The following ITGA6 variants were observed in gnomAD, a reference collection of about 807,000 sequenced individuals.
ITGA6 encodes the protein integrin alpha-6.
A neutral mutation model predicts 133.6 loss-of-function variants in ITGA6; 63 were observed. That is an observed-to-expected ratio of 0.47 (90% CI 0.38 to 0.58). The LOEUF is 0.58. ITGA6 is among the 20% of genes least tolerant of loss of function. ITGA6 has a pLI of 0.00. For missense variants in ITGA6, 1,068 were observed against 1,309.4 expected (o/e 0.82, Z 2.85); for synonymous variants, 434 against 482.0 (o/e 0.90, Z 1.30).
At chr2:172,429,626 G>C (rs1354913799) in intron 1 of ITGA6, among the ~76,000 whole-genome samples, 2 of 152,216 alleles carry the variant, frequency 1.3e-5, no homozygotes, top group Non-Finnish European at 2.9e-5. Context: ...CAGCATGCTT[G>C]CTAAAACTTG....
intron 1 of ITGA6, among the ~76,000 whole-genome samples, chr2:172,433,939 G>T (rs1433390886): frequency 6.6e-6 from 1 of 152,100 alleles, no homozygotes; most frequent in Non-Finnish European, 1.5e-5. Context: ...CATGGAGGGT[G>T]GGTGGTGCAG....
At chr2:172,483,597 C>A (rs1435236600) in intron 11 of ITGA6, among the ~76,000 whole-genome samples, 1 of 152,020 alleles carries the variant, frequency 6.6e-6, no homozygotes, top group Non-Finnish European at 1.5e-5. Flanking sequence ...ATCTAATGAA[C>A]CAACAAAGAA....
At chr2:172,470,360 T>C (rs1685866541) in intron 4 of ITGA6, among the ~76,000 whole-genome samples, 4 of 152,230 alleles carry the variant, frequency 2.6e-5, no homozygotes, top group Non-Finnish European at 4.4e-5. Flanking sequence ...ATAAATGCTT[T>C]ATATAGTAAA....
Position 172,506,312 on chromosome 2 carries a change from G to A in ITGA6, c.*2244G>A, listed in dbSNP as rs143399742. 6.6e-6 allele frequency: 1 copy of A among 152,634 alleles called. No homozygotes were observed. The highest frequency in any genetic ancestry group is 2.4e-5 in the African/African-American group (1 of 41,504). The allele number at this position is 152,634 out of a possible 1,614,324, so 9.5% of individuals were successfully genotyped here. On this transcript the variant is annotated 3_prime_UTR_variant, in exon 26 of 26. Transcript: ENST00000684293. ...AGTGTTTTTATTTTTGGTGTCTCAT[G>A]TAATCTCAGATCAGCCAAAGATACT...
At chr2:172,456,481 G>A (rs1052840380) in intron 1 of ITGA6, among the ~76,000 whole-genome samples, 10 of 152,212 alleles carry the variant, frequency 6.6e-5, no homozygotes, top group Non-Finnish European at 1.0e-4. Context: ...ACTAGGACAC[G>A]TTTAATGAAA....
chr2:172,467,450 C>T, intron 2 of ITGA6, 31 bp from the exon 3 acceptor site: 3 of 1,570,510 alleles, frequency 1.9e-6, no homozygotes, highest in Non-Finnish European at 2.6e-6. Flanking sequence ...TGTGCAGTCA[C>T]TTGGAAGGCT....
chr2:172,481,756 C>T (rs1160271018), intron 11 of ITGA6, among the ~76,000 whole-genome samples: 2 of 152,140 alleles, frequency 1.3e-5, no homozygotes, highest in Non-Finnish European at 2.9e-5. Context: ...TGGCCTTTTG[C>T]TTTGCTTTTT....
rs55956537 is a variant in ITGA6 at position 172,479,765 on chromosome 2, A to AT, written c.1487+27dup. ...GTGAGCATCCCTCTGTCTTGGTGGG[A>AT]TCCCCCTCAGTTTCCCACCTCCACT... On this transcript the variant is annotated intron_variant, in intron 10 of 25. Transcript: ENST00000684293. 6.0e-4 allele frequency: 955 copies of AT among 1,594,756 alleles called. 1 individual carries two copies. The East Asian group carries it at 7.7e-3, about 13-fold the overall frequency.
At chr2:172,465,321 G>C in intron 1 of ITGA6, 1 of 614,440 alleles carries the variant, frequency 1.6e-6, no homozygotes. Context: ...TCCTCGTTTT[G>C]GTATCCCCTC....
chr2:172,464,309 T>C (rs1208219707), intron 1 of ITGA6: 6 of 152,250 alleles, frequency 3.9e-5, no homozygotes, highest in East Asian at 3.8e-4. Flanking sequence ...ATGAAGGTAA[T>C]AGAGACTATT....
Position 172,427,617 on chromosome 2 carries a change from G to T in ITGA6, c.-172G>T, listed in dbSNP as rs1055286791. The T allele has an allele frequency of 1.3e-5, 16 of 1,279,672 alleles. No individual in the cohort carries two copies. The East Asian group carries it at 5.0e-4, about 40-fold the overall frequency. 79.3% of individuals were successfully genotyped at this position (1,279,672 alleles called of 1,614,324 possible). On this transcript the variant is annotated 5_prime_UTR_variant, in exon 1 of 26. Coordinates refer to ENST00000684293, the MANE Select transcript of ITGA6 (RefSeq NM_000210.4). ...CTCATTCAGCGGTCGCGAGCTGCCC[G>T]CGAGGGGGAGCGGCCGGACGGAGAG...
Sources: gnomAD v4.1 joint callset for allele counts (sites outside exome capture counted in the v4.1 genomes callset) on GRCh38, gnomAD v4.1.1 for gene constraint, MANE v1.5 for transcripts, NCBI Gene and HGNC (gene_info 2026-07-23, HGNC 2026-07-21) for gene names.